Variants in ARNT2 observed in about 807,000 individuals in gnomAD.
The protein encoded by ARNT2 is ARNT protein 2.
Under a neutral mutation model 91.7 loss-of-function variants are expected in ARNT2, and 36 were observed. The observed-to-expected ratio is 0.39, with a 90% CI of 0.30 to 0.52. The LOEUF (loss-of-function observed/expected upper bound fraction) is 0.52. ARNT2 is among the 20% of genes least tolerant of loss of function. The pLI, the probability that ARNT2 is intolerant of heterozygous loss-of-function variation, is 0.72. For missense variants in ARNT2, 775 were observed against 939.3 expected (o/e 0.83, Z 2.29); for synonymous variants, 365 against 347.1 (o/e 1.05, Z -0.57).
intron 17 of ARNT2, among the ~76,000 whole-genome samples, chr15:80,583,327 A>C (rs1181339206): frequency 6.6e-6 from 1 of 152,194 alleles, no homozygotes; most frequent in Non-Finnish European, 1.5e-5. Context: ...TGGGCAGGCC[A>C]CTTCCCTGCC....
chr15:80,474,912 T>C (rs1566982368), intron 4 of ARNT2, 98 bp from the exon 5 acceptor site: 1 of 1,180,242 alleles, frequency 8.5e-7, no homozygotes, highest in South Asian at 1.4e-5. Context: ...AGAATAAATA[T>C]GCAGATAAAG....
At chr15:80,438,916 C>T (rs1486040281) in intron 1 of ARNT2, among the ~76,000 whole-genome samples, 1 of 152,204 alleles carries the variant, frequency 6.6e-6, no homozygotes, top group African/African-American at 2.4e-5. Flanking sequence ...GTCTCGAACT[C>T]GTGACCTCGT....
chr15:80,576,495 T>G (rs915817620), intron 14 of ARNT2, among the ~76,000 whole-genome samples: 6 of 152,184 alleles, frequency 3.9e-5, no homozygotes, highest in African/African-American at 1.4e-4. Context: ...CAGGCTGGTT[T>G]TGAACTCCTG....
chr15:80,575,070 A>G lies in ARNT2; in HGVS notation c.1473A>G (p.Arg491=), dbSNP rs751333649. The G allele has an allele frequency of 6.2e-7, 1 of 1,614,220 alleles. No individual in the cohort carries two copies. Among genetic ancestry groups the G allele is most frequent in the Non-Finnish European group, 8.5e-7 (1 of 1,180,028 alleles). ...CGGATGCAATCTTCTCCCAGGAAAG[A>G]GATCCTCGGTTTGCTGAAATGTTTG... ...EKADAIFSQE[R]DPRFAEMFAG... is the part of the protein sequence containing the mutation. The change falls in exon 14 of 19, where the codon AGA becomes AGG. Residue 491 remains arginine (R), a synonymous_variant. Coordinates refer to ENST00000303329, the MANE Select transcript of ARNT2 (RefSeq NM_014862.4).
chr15:80,571,543 A>G (rs1263653426), intron 12 of ARNT2, among the ~76,000 whole-genome samples: 1 of 152,146 alleles, frequency 6.6e-6, no homozygotes, highest in Admixed American at 6.5e-5. Flanking sequence ...AAAGGGCCAA[A>G]TGGGATCCCT....
rs542345029 is a variant in ARNT2, at chr15:80,583,271, C to T, written c.1918+1867C>T. Among the ~76,000 whole-genome samples, 54 of 152,356 alleles carry T rather than the reference C, an allele frequency of 3.5e-4. 1 individual carries two copies. Among genetic ancestry groups the T allele is most frequent in the Admixed American group, 3.3e-3 (50 of 15,312 alleles). On this transcript the variant is annotated intron_variant, in intron 17 of 18. Coordinates refer to ENST00000303329, the MANE Select transcript of ARNT2 (RefSeq NM_014862.4). ...CTTCGGAGCAGAGCTAACACGCAAC[C>T]GTGGCAAGGTCTTGGAGCATCCCAC...
At chr15:80,441,669 C>G (rs1896192100) in intron 1 of ARNT2, among the ~76,000 whole-genome samples, 1 of 152,040 alleles carries the variant, frequency 6.6e-6, no homozygotes, top group Non-Finnish European at 1.5e-5. Context: ...TTTTCCATTT[C>G]CTCCTGTTCC....
chr15:80,491,952 C>T (rs980736205), intron 5 of ARNT2, among the ~76,000 whole-genome samples: 3 of 151,242 alleles, frequency 2.0e-5, no homozygotes, highest in African/African-American at 7.3e-5. Context: ...TACTGAATTG[C>T]CTTTGCACAC....
intron 8 of ARNT2, among the ~76,000 whole-genome samples, chr15:80,532,323 T>A (rs1566994937): frequency 6.6e-6 from 1 of 152,150 alleles, no homozygotes; most frequent in Non-Finnish European, 1.5e-5. Flanking sequence ...CTTCTACCAT[T>A]GCTTCCATCA....
chr15:80,513,551 C>T (rs1038909734), intron 6 of ARNT2, among the ~76,000 whole-genome samples: 2 of 152,070 alleles, frequency 1.3e-5, no homozygotes, highest in African/African-American at 4.8e-5. Context: ...TGTCATCACC[C>T]TCTTCCCTTC....
At chr15:80,442,818 T>G in intron 1 of ARNT2, 1 of 977,532 alleles carries the variant, frequency 1.0e-6, no homozygotes, top group Non-Finnish European at 1.2e-6. Context: ...GTCTCTAAAA[T>G]TTTTTTTGCC....
At chr15:80,472,386 C>T (rs1382119159) in intron 4 of ARNT2, among the ~76,000 whole-genome samples, 1 of 152,088 alleles carries the variant, frequency 6.6e-6, no homozygotes, top group Non-Finnish European at 1.5e-5. Flanking sequence ...CAGAACCTCA[C>T]AGGCAGGAAT....
At chr15:80,534,079 A>G (rs1341734662) in intron 8 of ARNT2, among the ~76,000 whole-genome samples, 1 of 152,234 alleles carries the variant, frequency 6.6e-6, no homozygotes, top group Admixed American at 6.5e-5. Context: ...TCCATGATTT[A>G]GTGGCAGTAA....
intron 15 of ARNT2, among the ~76,000 whole-genome samples, chr15:80,578,907 G>T (rs1156703839): frequency 6.6e-6 from 1 of 152,222 alleles, no homozygotes; most frequent in Non-Finnish European, 1.5e-5. Context: ...TGGGATGAAG[G>T]ACTCTGGGGC....
At chr15:80,417,223 A>G (rs1324609790) in intron 1 of ARNT2, among the ~76,000 whole-genome samples, 2 of 152,238 alleles carry the variant, frequency 1.3e-5, no homozygotes, top group Non-Finnish European at 1.5e-5. Flanking sequence ...ACACACTGCA[A>G]TTAACAATTG....
At chr15:80,514,221 C>T in intron 7 of ARNT2, 99 bp from the exon 8 acceptor site, 1 of 1,271,220 alleles carries the variant, frequency 7.9e-7, no homozygotes, top group South Asian at 1.3e-5. Context: ...ACCACAAAGG[C>T]AGACAAGGGA....
At chr15:80,482,144 A>G (rs1412391537) in intron 5 of ARNT2, among the ~76,000 whole-genome samples, 2 of 152,176 alleles carry the variant, frequency 1.3e-5, no homozygotes, top group African/African-American at 4.8e-5. Context: ...TCCTGGACTT[A>G]AACAGTCCTC....
chr15:80,531,495 A>C (rs1363356427), intron 8 of ARNT2, among the ~76,000 whole-genome samples: 1 of 152,228 alleles, frequency 6.6e-6, no homozygotes, highest in African/African-American at 2.4e-5. Flanking sequence ...GTTCATATTA[A>C]AAATCAGTTT....
At chr15:80,425,319 G>A (rs1293538956) in intron 1 of ARNT2, among the ~76,000 whole-genome samples, 1 of 151,962 alleles carries the variant, frequency 6.6e-6, no homozygotes. Flanking sequence ...TTTTGTTTTT[G>A]TTTTTGTTTT....
Sources: gnomAD v4.1 joint callset for allele counts (sites outside exome capture counted in the v4.1 genomes callset) on GRCh38, gnomAD v4.1.1 for gene constraint, MANE v1.5 for transcripts, NCBI Gene and HGNC (gene_info 2026-07-23, HGNC 2026-07-21) for gene names.